The following OR2C1 variants were observed in gnomAD, a reference collection of about 807,000 sequenced individuals.
OR2C1 encodes the protein olfactory receptor 2C1.
For missense variants in OR2C1, 468 were observed against 388.3 expected (o/e 1.21, Z -1.73); for synonymous variants, 209 against 167.3 (o/e 1.25, Z -1.92).
chr16:3,339,447 T>A, the OR2C1 span, among the ~76,000 whole-genome samples: 1 of 152,116 alleles, frequency 6.6e-6, no homozygotes, highest in African/African-American at 2.4e-5. Flanking sequence ...TTTTCTACAG[T>A]GGCTGAACCA....
At chr16:3,337,745 T>C in the OR2C1 span, among the ~76,000 whole-genome samples, 1 of 152,174 alleles carries the variant, frequency 6.6e-6, no homozygotes, top group Admixed American at 6.6e-5. Flanking sequence ...TTAGGGACGG[T>C]CCTGGTCCCA....
chr16:3,353,973 C>A (rs1343635060), upstream of OR2C1, among the ~76,000 whole-genome samples: 1 of 132,274 alleles, frequency 7.6e-6, no homozygotes, highest in African/African-American at 3.0e-5. Flanking sequence ...GTTTGTTTTT[C>A]TTTTCTTTTC....
chr16:3,337,164 C>G, the OR2C1 span, among the ~76,000 whole-genome samples: 1 of 110,452 alleles, frequency 9.1e-6, no homozygotes. Context: ...CTTTTTTTTT[C>G]TTTTTTTGGA....
chr16:3,343,496 G>A, the OR2C1 span, among the ~76,000 whole-genome samples: 1 of 152,052 alleles, frequency 6.6e-6, no homozygotes, highest in African/African-American at 2.4e-5. Flanking sequence ...TCACGCCTGT[G>A]ATCCTAACAC....
upstream of OR2C1, among the ~76,000 whole-genome samples, chr16:3,353,813 A>AGAAGGAAAGAAG (rs960113637): frequency 6.4e-4 from 97 of 151,822 alleles, no homozygotes; most frequent in African/African-American, 2.2e-3. Flanking sequence ...AAAAAGAGAA[A>AGAAGGAAAGAAG]GAAGGAAGGA....
the OR2C1 span, among the ~76,000 whole-genome samples, chr16:3,343,753 AAAAAT>A: frequency 6.6e-6 from 1 of 152,170 alleles, no homozygotes; most frequent in African/African-American, 2.4e-5. Context: ...CCCTGTCTCA[AAAAAT>A]AAAATAAAAC....
At chr16:3,336,491 A>C in the OR2C1 span, among the ~76,000 whole-genome samples, 1 of 151,668 alleles carries the variant, frequency 6.6e-6, no homozygotes, top group East Asian at 1.9e-4. Flanking sequence ...CCTCCTGAGT[A>C]GCTGGGACTA....
At chr16:3,349,747 A>T in the OR2C1 span, among the ~76,000 whole-genome samples, 1 of 151,870 alleles carries the variant, frequency 6.6e-6, no homozygotes, top group South Asian at 2.1e-4. Flanking sequence ...AAAGGCACTG[A>T]TTTTGGGGGC....
the OR2C1 span, among the ~76,000 whole-genome samples, chr16:3,329,746 GC>G: frequency 9.5e-6 from 1 of 104,918 alleles, no homozygotes; most frequent in African/African-American, 3.9e-5. Context: ...ACGGCGCCCG[GC>G]CTTTTTTTTT....
At chr16:3,352,839 T>A (rs1393739273), upstream of OR2C1, among the ~76,000 whole-genome samples, 1 of 151,580 alleles carries the variant, frequency 6.6e-6, no homozygotes, top group Non-Finnish European at 1.5e-5. Context: ...CCTCCTGGGT[T>A]CAAGTGATTC....
chr16:3,347,836 A>G, the OR2C1 span, among the ~76,000 whole-genome samples: 1 of 53,722 alleles, frequency 1.9e-5, no homozygotes, highest in African/African-American at 3.8e-5. Context: ...ATGCACACAC[A>G]TACACACATG....
chr16:3,328,036 C>T, the OR2C1 span, among the ~76,000 whole-genome samples: 3 of 152,172 alleles, frequency 2.0e-5, no homozygotes, highest in Non-Finnish European at 4.4e-5. Context: ...TACTTTCTTC[C>T]TCATTTGTTA....
the OR2C1 span, among the ~76,000 whole-genome samples, chr16:3,347,273 C>G: frequency 8.0e-6 from 1 of 125,490 alleles, no homozygotes; most frequent in African/African-American, 3.0e-5. Flanking sequence ...AAAAAGGAGC[C>G]AAGGATGGTG....
the OR2C1 span, among the ~76,000 whole-genome samples, chr16:3,326,181 G>A: frequency 4.6e-5 from 7 of 151,602 alleles, no homozygotes; most frequent in Non-Finnish European, 7.4e-5. Context: ...GGCCCGCCTC[G>A]CCCTCCCAAA....
chr16:3,346,598 A>G, the OR2C1 span, among the ~76,000 whole-genome samples: 2 of 149,644 alleles, frequency 1.3e-5, no homozygotes, highest in Admixed American at 1.3e-4. Flanking sequence ...GTCACTTAAA[A>G]TATTTTAATG....
the OR2C1 span, among the ~76,000 whole-genome samples, chr16:3,331,627 C>G: frequency 1.3e-5 from 2 of 151,842 alleles, no homozygotes; most frequent in Non-Finnish European, 2.9e-5. Flanking sequence ...TTTCCCAGCA[C>G]CATTTATTAA....
the OR2C1 span, among the ~76,000 whole-genome samples, chr16:3,348,183 T>C: frequency 6.6e-6 from 1 of 152,168 alleles, no homozygotes. Flanking sequence ...ATGCGTTAGA[T>C]GCCTATGGGA....
chr16:3,328,715 T>C, the OR2C1 span, among the ~76,000 whole-genome samples: 1 of 152,156 alleles, frequency 6.6e-6, no homozygotes, highest in Non-Finnish European at 1.5e-5. Flanking sequence ...CATACCCAAA[T>C]CAGAAGCATA....
At chr16:3,339,579 C>T in the OR2C1 span, among the ~76,000 whole-genome samples, 13 of 152,270 alleles carry the variant, frequency 8.5e-5, no homozygotes, top group South Asian at 2.7e-3. Context: ...ACCTCAGCCT[C>T]ACAAGTAGCT....
Sources: allele counts gnomAD v4.1 joint callset (sites outside exome capture counted in the v4.1 genomes callset), GRCh38; gene constraint gnomAD v4.1.1; transcripts MANE v1.5; gene names NCBI Gene and HGNC (gene_info 2026-07-23, HGNC 2026-07-21).